CDH4: variants seen among roughly 807,000 people sequenced by gnomAD.
CDH4 encodes cadherin-4.
Under a neutral mutation model 86.0 loss-of-function variants are expected in CDH4, and 33 were observed. That is an observed-to-expected ratio of 0.38 (90% confidence interval 0.29 to 0.51). CDH4 has a LOEUF of 0.51. CDH4 is among the 20% of genes least tolerant of loss of function. The pLI is 0.86. For missense variants in CDH4, 1,114 were observed against 1,307.4 expected, an observed-to-expected ratio of 0.85 and a Z score of 2.28; for synonymous variants, 555 against 549.4, an observed-to-expected ratio of 1.01 and a Z score of -0.14.
chr20:61,668,082 G>T (rs1262718634), intron 2 of CDH4, among the ~76,000 whole-genome samples: 1 of 152,206 alleles, frequency 6.6e-6, no homozygotes. Flanking sequence ...TTCCTAATTT[G>T]TTAGGTCCCT....
intron 2 of CDH4, among the ~76,000 whole-genome samples, chr20:61,536,736 GC>G (rs2086000163): frequency 6.6e-6 from 1 of 152,228 alleles, no homozygotes; most frequent in South Asian, 2.1e-4. Flanking sequence ...TCTAGAGACA[GC>G]TTCGGTTGCC....
chr20:61,670,300 CT>C (rs2087372160), intron 2 of CDH4, among the ~76,000 whole-genome samples: 1 of 152,200 alleles, frequency 6.6e-6, no homozygotes, highest in Non-Finnish European at 1.5e-5. Context: ...GACTTCTGTC[CT>C]TAAAGTTCAG....
At chr20:61,870,202 C>T (rs1362081577) in intron 6 of CDH4, among the ~76,000 whole-genome samples, 1 of 152,222 alleles carries the variant, frequency 6.6e-6, no homozygotes, top group African/African-American at 2.4e-5. Flanking sequence ...TGCTCCACCG[C>T]TGTCCGATGC....
At chr20:61,700,287 G>A (rs1276149354) in intron 2 of CDH4, among the ~76,000 whole-genome samples, 2 of 152,208 alleles carry the variant, frequency 1.3e-5, no homozygotes, top group East Asian at 3.9e-4. Flanking sequence ...CATCGACAGG[G>A]AAGACAGTTT....
intron 2 of CDH4, among the ~76,000 whole-genome samples, chr20:61,514,793 C>T (rs895943412): frequency 6.6e-6 from 1 of 152,180 alleles, no homozygotes; most frequent in Non-Finnish European, 1.5e-5. Flanking sequence ...ATGTGGGCCT[C>T]GATATTCATT....
At position 61,654,093 on chromosome 20, in the gene CDH4, T is replaced by A. The variant is rs542355805; in HGVS notation, c.170-89470T>A. On this transcript the variant is annotated intron_variant, in intron 2 of 15. Coordinates refer to ENST00000614565, the MANE Select transcript of CDH4 (RefSeq NM_001794.5). ...GCAGGCGGCTGGGAGGTGGAGGTTG[T>A]AGCGAGCTGAGATCACGCCACTGCA... 1.3e-4 allele frequency among the ~76,000 whole-genome samples: 20 copies of A among 152,176 alleles called. 1 individual carries two copies. In the East Asian group the frequency reaches 3.9e-3, roughly 29 times the overall value.
chr20:61,267,470 C>T (rs965994826), intron 2 of CDH4, among the ~76,000 whole-genome samples: 10 of 152,266 alleles, frequency 6.6e-5, no homozygotes, highest in African/African-American at 1.9e-4. Flanking sequence ...TGAAACAGTG[C>T]TGGGTGTTTC....
intron 4 of CDH4, among the ~76,000 whole-genome samples, chr20:61,809,198 G>A (rs990442043): frequency 1.5e-4 from 23 of 152,184 alleles, no homozygotes; most frequent in Non-Finnish European, 2.6e-4. Context: ...CTATTCAGAC[G>A]TGTTTCTAGG....
At chr20:61,890,100 GCATGGATGGATTATGCATC>G (rs1984747150) in intron 7 of CDH4, among the ~76,000 whole-genome samples, 1 of 148,186 alleles carries the variant, frequency 6.7e-6, no homozygotes, top group African/African-American at 2.5e-5. Context: ...ATGGATGGAT[GCATGGATGGATTATGCATC>G]ATGGATGGGT....
intron 5 of CDH4, among the ~76,000 whole-genome samples, chr20:61,849,356 A>T (rs1982607337): frequency 6.6e-6 from 1 of 152,182 alleles, no homozygotes; most frequent in South Asian, 2.1e-4. Context: ...GGGGTGTGTT[A>T]GTTCTCTGCA....
intron 2 of CDH4, among the ~76,000 whole-genome samples, chr20:61,323,709 G>A (rs1369047915): frequency 6.6e-6 from 1 of 152,156 alleles, no homozygotes; most frequent in African/African-American, 2.4e-5. Context: ...TGGGGCCACA[G>A]GGACTGTGGC....
chr20:61,522,645 C>T (rs1016781058), intron 2 of CDH4, among the ~76,000 whole-genome samples: 6 of 152,242 alleles, frequency 3.9e-5, no homozygotes, highest in Admixed American at 1.3e-4. Flanking sequence ...CAGCCCCACT[C>T]GGAACTGCAC....
chr20:61,254,134 C>A (rs899054143), intron 1 of CDH4, among the ~76,000 whole-genome samples: 15 of 152,234 alleles, frequency 9.9e-5, no homozygotes, highest in Admixed American at 2.0e-4. Context: ...GGAGGAGACC[C>A]CCTTTCCGGT....
At chr20:61,539,453 G>T (rs1277761417) in intron 2 of CDH4, among the ~76,000 whole-genome samples, 1 of 152,184 alleles carries the variant, frequency 6.6e-6, no homozygotes, top group Non-Finnish European at 1.5e-5. Flanking sequence ...TCTTCTCCCT[G>T]TGTCCTCACG....
At chr20:61,476,859 G>A (rs1407759330) in intron 2 of CDH4, among the ~76,000 whole-genome samples, 10 of 152,238 alleles carry the variant, frequency 6.6e-5, no homozygotes, top group African/African-American at 2.4e-4. Context: ...GGGCCACTGA[G>A]GTGGGATGTG....
chr20:61,716,564 C>T (rs1173890651), intron 2 of CDH4, among the ~76,000 whole-genome samples: 3 of 152,198 alleles, frequency 2.0e-5, no homozygotes, highest in African/African-American at 7.2e-5. Context: ...CAGAATAGTG[C>T]AGGCTTGTGT....
chr20:61,833,124 C>T (rs1231052426), intron 4 of CDH4, among the ~76,000 whole-genome samples: 4 of 152,000 alleles, frequency 2.6e-5, no homozygotes, highest in African/African-American at 4.8e-5. Context: ...ACACAGTACT[C>T]AGCCCGCATG....
intron 2 of CDH4, among the ~76,000 whole-genome samples, chr20:61,573,371 A>T (rs748544690): frequency 1.3e-5 from 2 of 152,232 alleles, no homozygotes; most frequent in Non-Finnish European, 2.9e-5. Flanking sequence ...TGCTCATTTC[A>T]GAAACACAAG....
intron 13 of CDH4, among the ~76,000 whole-genome samples, chr20:61,932,552 C>T (rs111973296): frequency 6.6e-6 from 1 of 151,558 alleles, no homozygotes; most frequent in African/African-American, 2.4e-5. Context: ...CTTGTGTGTG[C>T]ATCTACACAC....
Sources: gnomAD v4.1 joint callset for allele counts (sites outside exome capture counted in the v4.1 genomes callset) on GRCh38, gnomAD v4.1.1 for gene constraint, MANE v1.5 for transcripts, NCBI Gene and HGNC (gene_info 2026-07-23, HGNC 2026-07-21) for gene names.